VPS13D: variants seen among roughly 807,000 people sequenced by gnomAD.
VPS13D encodes the protein vacuolar protein sorting 13 homolog D.
Under a neutral mutation model 461.9 loss-of-function variants are expected in VPS13D, and 187 were observed. That is an observed-to-expected ratio of 0.40 (90% CI 0.36 to 0.46). The LOEUF is 0.46. VPS13D is among the 20% of genes least tolerant of loss of function. The pLI is 0.60. For synonymous variants in VPS13D, 1,951 were observed against 1,986.3 expected, an observed-to-expected ratio of 0.98 and a Z score of 0.47; for missense variants, 4,711 against 5,364.9, an observed-to-expected ratio of 0.88 and a Z score of 3.81.
Position 12,279,659 on chromosome 1 carries a change from A to G in VPS13D, c.4602+9A>G. On this transcript the variant is annotated intron_variant, in intron 20 of 69. Transcript: ENST00000620676. The surrounding 1 kb of genome is among the most constrained non-coding windows in gnomAD (Gnocchi z 4.3). Reference sequence around the variant, plus strand: ...TTGTCAATCCAGTTCAGGTAAATTCATGTCAGGGCAGTTGAAGTCATATGT... The same window carrying G: ...TTGTCAATCCAGTTCAGGTAAATTCGTGTCAGGGCAGTTGAAGTCATATGT... The G allele has an allele frequency of 6.2e-7, 1 of 1,604,534 alleles. No homozygotes were observed.
At chr1:12,335,309 C>T (rs560367466) in intron 38 of VPS13D, among the ~76,000 whole-genome samples, 17 of 152,292 alleles carry the variant, frequency 1.1e-4, no homozygotes, top group African/African-American at 3.8e-4. Flanking sequence ...TCAAGTGATC[C>T]GCCTGCCTGA....
chr1:12,395,833 C>G (rs530597007), intron 60 of VPS13D, among the ~76,000 whole-genome samples: 1 of 151,396 alleles, frequency 6.6e-6, no homozygotes, highest in South Asian at 2.1e-4. Flanking sequence ...GAGGTAGAGT[C>G]CTTAGCAATT....
At chr1:12,303,423 G>T (rs1054615927) in intron 25 of VPS13D, among the ~76,000 whole-genome samples, 1 of 152,154 alleles carries the variant, frequency 6.6e-6, no homozygotes, top group Admixed American at 6.5e-5. Flanking sequence ...ACTACAGAGA[G>T]GATGTAGAGA....
At chr1:12,465,157 G>A (rs1408909186) in intron 67 of VPS13D, 1 of 152,224 alleles carries the variant, frequency 6.6e-6, no homozygotes, top group Non-Finnish European at 1.5e-5. Flanking sequence ...AAATACCTTT[G>A]AGAAGAAAGG....
At chr1:12,308,376 A>T in intron 26 of VPS13D, 55 bp from the exon 27 acceptor site, 1 of 1,586,034 alleles carries the variant, frequency 6.3e-7, no homozygotes, top group Non-Finnish European at 8.6e-7. Flanking sequence ...GTTTAGTGCA[A>T]CCCCTTTTTG....
intron 50 of VPS13D, among the ~76,000 whole-genome samples, chr1:12,359,876 A>C (rs1169792372): frequency 1.3e-5 from 2 of 152,228 alleles, no homozygotes; most frequent in Non-Finnish European, 2.9e-5. Context: ...CCCTTTGAAT[A>C]GGCAAAGGCT....
intron 29 of VPS13D, 89 bp downstream of exon 29, chr1:12,312,014 G>A (rs1032574710): frequency 1.2e-5 from 13 of 1,090,986 alleles, no homozygotes; most frequent in Non-Finnish European, 1.6e-5. Context: ...AGGTTGCAGA[G>A]TGGTGGCCCA....
At chr1:12,246,950 AGGG>A (rs1420758388) in intron 5 of VPS13D, among the ~76,000 whole-genome samples, 2 of 152,306 alleles carry the variant, frequency 1.3e-5, no homozygotes, top group African/African-American at 4.8e-5. Flanking sequence ...ATTTGTGTAT[AGGG>A]TTTTGGGTGA....
intron 26 of VPS13D, among the ~76,000 whole-genome samples, chr1:12,307,457 G>C (rs572238486): frequency 1.7e-4 from 26 of 152,236 alleles, no homozygotes; most frequent in African/African-American, 1.2e-4. Context: ...GGCTTGTGCA[G>C]GGCCTTGTAG....
Position 12,288,208 on chromosome 1 carries a change from C to G in VPS13D, c.5635-15C>G. 1.9e-6 allele frequency: 3 copies of G among 1,603,990 alleles called. No individual in the cohort carries two copies. The highest frequency in any genetic ancestry group is 1.7e-6 in the Non-Finnish European group (2 of 1,172,124). ...CCCAGTAATATTGGCCTTGCTTTATCTTGTCTGTTCCTAGGTTCATTCACT... is the reference window on the plus strand; with the variant it reads ...CCCAGTAATATTGGCCTTGCTTTATGTTGTCTGTTCCTAGGTTCATTCACT... On this transcript the variant is annotated splice_polypyrimidine_tract_variant and intron_variant, in intron 21 of 69. Coordinates refer to ENST00000620676, the MANE Select transcript of VPS13D (RefSeq NM_015378.4).
chr1:12,366,488 G>T (rs1644036250), intron 52 of VPS13D, among the ~76,000 whole-genome samples: 1 of 152,112 alleles, frequency 6.6e-6, no homozygotes, highest in Admixed American at 6.6e-5. Context: ...GTGAAGGAGT[G>T]GGGAGGGAAA....
chr1:12,502,538 C>T lies in VPS13D; in HGVS notation c.12795-4315C>T, dbSNP rs566086612. Among the ~76,000 whole-genome samples the T allele has an allele frequency of 6.0e-4, 91 of 151,680 alleles. No homozygotes were observed. The highest frequency in any genetic ancestry group is 2.1e-3 in the South Asian group (10 of 4,782). ...CCATAGGTGGACCTGGGGTGGGTAA[C>T]GCCTAGGGGTAGAGGAGCCTGTTCC... On this transcript the variant is annotated intron_variant, in intron 68 of 69. Coordinates refer to ENST00000620676, the MANE Select transcript of VPS13D (RefSeq NM_015378.4). This position sits in a 1 kb window ranked among gnomAD's most constrained non-coding sequence, Gnocchi z 4.3.
intron 67 of VPS13D, among the ~76,000 whole-genome samples, chr1:12,472,811 C>T (rs1330832611): frequency 6.6e-6 from 1 of 152,198 alleles, no homozygotes; most frequent in Non-Finnish European, 1.5e-5. Context: ...AAACCCATAT[C>T]CATTCAGCCA....
chr1:12,232,970 C>A (rs963031603), intron 1 of VPS13D, among the ~76,000 whole-genome samples: 21 of 151,502 alleles, frequency 1.4e-4, no homozygotes, highest in African/African-American at 1.2e-4. Context: ...ATTCTCCCCC[C>A]ACCCCCAACT....
chr1:12,318,364 G>A, intron 31 of VPS13D, 27 bp downstream of exon 31: 1 of 1,589,536 alleles, frequency 6.3e-7, no homozygotes, highest in Non-Finnish European at 8.6e-7. Flanking sequence ...GTGATTCATT[G>A]GTGCTTAGTT....
In VPS13D at chr1:12,239,053, C is replaced by T. The variant is rs1266945294; in HGVS notation, c.98-3460C>T. Reference sequence around the variant, plus strand: ...TTATTCTGGAAATACAGGCATCATGCGATGGGGTGTGAAGGAAGAGAGCTG... The same window carrying T: ...TTATTCTGGAAATACAGGCATCATGTGATGGGGTGTGAAGGAAGAGAGCTG... On this transcript the variant is annotated intron_variant, in intron 2 of 69. Transcript: ENST00000620676. Among the ~76,000 whole-genome samples, 11 of 152,182 alleles carry T rather than the reference C, an allele frequency of 7.2e-5. No homozygotes were observed. In the East Asian group the frequency reaches 9.6e-4, roughly 13 times the overall value.
chr1:12,364,956 G>A (rs1336091616), intron 52 of VPS13D, among the ~76,000 whole-genome samples: 2 of 152,120 alleles, frequency 1.3e-5, no homozygotes, highest in Non-Finnish European at 2.9e-5. Context: ...TAAGGTGAGG[G>A]TCCAGCTTCA....
intron 5 of VPS13D, among the ~76,000 whole-genome samples, chr1:12,247,827 A>G (rs750371376): frequency 1.2e-3 from 174 of 144,528 alleles, no homozygotes; most frequent in Non-Finnish European, 1.8e-3. Context: ...GCTCAGCCTC[A>G]CGAGTAGCTG....
intron 30 of VPS13D, 124 bp from the exon 31 acceptor site, chr1:12,317,948 T>G (rs1642933836): frequency 1.6e-5 from 15 of 937,950 alleles, no homozygotes; most frequent in Non-Finnish European, 2.4e-5. Flanking sequence ...TTACTGATAC[T>G]CAAAGCAGGC....
Sources: allele counts gnomAD v4.1 joint callset (sites outside exome capture counted in the v4.1 genomes callset), GRCh38; gene constraint gnomAD v4.1.1; non-coding constraint Gnocchi (gnomAD v3.1); transcripts MANE v1.5; gene names NCBI Gene and HGNC (gene_info 2026-07-23, HGNC 2026-07-21).